The following CLASP1 variants were observed in gnomAD, a reference collection of about 807,000 sequenced individuals.
CLASP1 encodes CLIP-associating protein 1.
CLASP1 carries 38 observed loss-of-function variants against 192.3 expected under a neutral mutation model. The ratio of observed to expected loss-of-function variants is 0.20; its 90% CI spans 0.15 to 0.26. The LOEUF (loss-of-function observed/expected upper bound fraction) is 0.26. Among genes scored for constraint, CLASP1 ranks in the 10% least tolerant of loss-of-function variants. The pLI, the probability that CLASP1 is intolerant of heterozygous loss-of-function variation, is 1.00. For missense variants in CLASP1, 1,433 were observed against 1,932.5 expected, an observed-to-expected ratio of 0.74 and a Z score of 4.85; for synonymous variants, 691 against 712.8, an observed-to-expected ratio of 0.97 and a Z score of 0.49.
chr2:121,552,701 G>A (rs1374020570), intron 2 of CLASP1, among the ~76,000 whole-genome samples: 2 of 152,232 alleles, frequency 1.3e-5, no homozygotes, highest in Non-Finnish European at 1.5e-5. Context: ...AGACGCTGGT[G>A]AGGTTGCAGA....
chr2:121,545,490 T>G (rs2095311871), intron 2 of CLASP1, among the ~76,000 whole-genome samples: 1 of 152,158 alleles, frequency 6.6e-6, no homozygotes, highest in African/African-American at 2.4e-5. Context: ...TCCCTGACTC[T>G]AAAGTGGGCC....
At chr2:121,606,971 G>A (rs777772918) in intron 1 of CLASP1, among the ~76,000 whole-genome samples, 4 of 152,064 alleles carry the variant, frequency 2.6e-5, no homozygotes, top group Non-Finnish European at 5.9e-5. Flanking sequence ...CAGGAGAATC[G>A]CTTAAACTCA....
At chr2:121,434,112 T>A (rs1295862753) in intron 19 of CLASP1, among the ~76,000 whole-genome samples, 1 of 152,178 alleles carries the variant, frequency 6.6e-6, no homozygotes, top group East Asian at 1.9e-4. Flanking sequence ...AACTACTGAT[T>A]CAAATTGTTT....
Position 121,536,847 on chromosome 2 carries a change from T to C in CLASP1, c.196-6522A>G, listed in dbSNP as rs186127305. On this transcript the variant is annotated intron_variant, in intron 2 of 39. Coordinates refer to ENST00000263710, the Ensembl canonical transcript of CLASP1. ...GTTTCAGTTTTACAAGAGAAAAACA[T>C]TATGGAAAGAGACGTTGGTGATGGT... 2.0e-3 allele frequency among the ~76,000 whole-genome samples: 310 copies of C among 152,314 alleles called. 1 individual carries two copies. Among genetic ancestry groups the C allele is most frequent in the African/African-American group, 7.1e-3 (297 of 41,552 alleles).
intron 8 of CLASP1, among the ~76,000 whole-genome samples, chr2:121,479,041 ACACACAC>A (rs2092352459): frequency 1.6e-5 from 1 of 60,688 alleles, no homozygotes; most frequent in African/African-American, 7.6e-5. Flanking sequence ...CCCCACACAC[ACACACAC>A]CCCCCCCCCA....
chr2:121,393,590 C>T (rs2074748037), intron 30 of CLASP1, among the ~76,000 whole-genome samples: 1 of 152,122 alleles, frequency 6.6e-6, no homozygotes, highest in Non-Finnish European at 1.5e-5. Flanking sequence ...GACAGTGCTT[C>T]AAGAACGTCT....
In CLASP1 at chr2:121,543,044, T is replaced by C. The variant is rs541638114; in HGVS notation, c.196-12719A>G. Among the ~76,000 whole-genome samples, 168 of 152,342 alleles carry C rather than the reference T, an allele frequency of 1.1e-3. 1 individual carries two copies. The highest frequency in any genetic ancestry group is 2.1e-4 in the Non-Finnish European group (14 of 68,034). ...ATATGGTTACTGAGCAAACGAAAGG[T>C]AGCTAGTGCAAATGCAGAACAGGAC... On this transcript the variant is annotated intron_variant, in intron 2 of 39. Transcript: ENST00000263710.
intron 2 of CLASP1, among the ~76,000 whole-genome samples, chr2:121,594,257 A>C (rs1576322989): frequency 6.7e-6 from 1 of 148,676 alleles, no homozygotes; most frequent in South Asian, 2.2e-4. Flanking sequence ...CCGAGATCGC[A>C]CCACTGCACT....
At chr2:121,418,839 G>C (rs899115829) in intron 22 of CLASP1, 110 bp from the exon 23 acceptor site, 20 of 769,888 alleles carry the variant, frequency 2.6e-5, no homozygotes, top group Non-Finnish European at 4.4e-5. Flanking sequence ...CATTGTTCGC[G>C]CTGGGGAGTT....
intron 24 of CLASP1, among the ~76,000 whole-genome samples, chr2:121,408,424 C>T (rs2149496042): frequency 6.6e-6 from 1 of 152,294 alleles, no homozygotes; most frequent in Non-Finnish European, 1.5e-5. Flanking sequence ...CCACTTTATT[C>T]ACTTCTCTGA....
intron 15 of CLASP1, 62 bp downstream of exon 15, chr2:121,451,728 C>T (rs2085517914): frequency 3.0e-6 from 4 of 1,337,324 alleles, no homozygotes; most frequent in Non-Finnish European, 4.2e-6. Context: ...GGACCACTCA[C>T]CAAAGCATTC....
chr2:121,611,615 AGGAGGAAGAGGAACT>A (rs2065521684), intron 1 of CLASP1, among the ~76,000 whole-genome samples: 1 of 134,650 alleles, frequency 7.4e-6, no homozygotes, highest in Admixed American at 7.3e-5. Flanking sequence ...GAGGAGTTAC[AGGAGGAAGAGGAACT>A]GGAGGAAGAG....
At chr2:121,453,548 C>T (rs892703174) in intron 14 of CLASP1, among the ~76,000 whole-genome samples, 4 of 152,154 alleles carry the variant, frequency 2.6e-5, no homozygotes, top group African/African-American at 7.2e-5. Context: ...CATTCCTCAC[C>T]ATCACCCTCC....
intron 8 of CLASP1, among the ~76,000 whole-genome samples, chr2:121,472,838 CAG>C (rs990414989): frequency 6.6e-6 from 1 of 152,148 alleles, no homozygotes; most frequent in African/African-American, 2.4e-5. Context: ...TGGAGACCCC[CAG>C]AGAGTCAGGT....
chr2:121,428,538 C>T (rs1037504993), intron 20 of CLASP1, among the ~76,000 whole-genome samples: 1 of 152,142 alleles, frequency 6.6e-6, no homozygotes, highest in Admixed American at 6.5e-5. Context: ...CACTAGGGTT[C>T]AACAGAATAA....
At chr2:121,464,587 T>C (rs952494030) in intron 9 of CLASP1, among the ~76,000 whole-genome samples, 38 of 152,272 alleles carry the variant, frequency 2.5e-4, no homozygotes, top group Non-Finnish European at 5.0e-4. Context: ...TGCATTTCTC[T>C]GATAGCCAGT....
chr2:121,432,180 G>GACCTCGGATTACTGCA (rs2081550407), intron 19 of CLASP1, among the ~76,000 whole-genome samples: 1 of 152,098 alleles, frequency 6.6e-6, no homozygotes, highest in Admixed American at 6.6e-5. Context: ...AGTGGTGTGT[G>GACCTCGGATTACTGCA]ACCTCGGCTT....
At chr2:121,477,067 G>A (rs985140294) in intron 8 of CLASP1, among the ~76,000 whole-genome samples, 3 of 152,136 alleles carry the variant, frequency 2.0e-5, no homozygotes, top group Non-Finnish European at 2.9e-5. Context: ...TCTAACTTGC[G>A]TGTACCATTT....
In CLASP1 at chr2:121,404,357, G is replaced by T; in HGVS notation, c.2733+14C>A. ...GCAGGGGTAAAGACAGGGCAGGCAT[G>T]ACTTCAGACTTACCTTGCTATGAGG... On this transcript the variant is annotated intron_variant, in intron 26 of 39. Coordinates refer to ENST00000263710, the Ensembl canonical transcript of CLASP1. The T allele has an allele frequency of 6.2e-7, 1 of 1,610,548 alleles. No individual in the cohort carries two copies. Among genetic ancestry groups the T allele is most frequent in the South Asian group, 1.1e-5 (1 of 89,828 alleles).
Sources: allele counts gnomAD v4.1 joint callset (sites outside exome capture counted in the v4.1 genomes callset), GRCh38; gene constraint gnomAD v4.1.1; transcripts MANE v1.5; gene names NCBI Gene and HGNC (gene_info 2026-07-23, HGNC 2026-07-21).